Variants in EXOC6B observed in about 807,000 individuals in gnomAD.
EXOC6B encodes the protein exocyst complex component 6B.
EXOC6B carries 54 observed loss-of-function variants against 113.5 expected under a neutral mutation model. The observed-to-expected ratio is 0.48, with a 90% confidence interval of 0.38 to 0.60. The LOEUF is 0.60. EXOC6B is among the 20% of genes least tolerant of loss of function. EXOC6B has a pLI of 0.00. For synonymous variants in EXOC6B, 357 were observed against 339.0 expected, an observed-to-expected ratio of 1.05 and a Z score of -0.58; for missense variants, 797 against 977.5, an observed-to-expected ratio of 0.82 and a Z score of 2.46.
intron 20 of EXOC6B, among the ~76,000 whole-genome samples, chr2:72,207,245 A>G (rs1242052320): frequency 6.6e-6 from 1 of 152,228 alleles, no homozygotes. Context: ...ACATTACCCA[A>G]TGTCTTGATG....
chr2:72,588,602 G>A (rs1051554262), intron 6 of EXOC6B, among the ~76,000 whole-genome samples: 1 of 151,894 alleles, frequency 6.6e-6, no homozygotes, highest in African/African-American at 2.4e-5. Context: ...GAGATTGGCT[G>A]TACAACATTG....
intron 6 of EXOC6B, among the ~76,000 whole-genome samples, chr2:72,582,380 G>C (rs1229540604): frequency 6.6e-6 from 1 of 151,912 alleles, no homozygotes; most frequent in Non-Finnish European, 1.5e-5. Flanking sequence ...AAAAAAGGCT[G>C]GGCACCTGTG....
At chr2:72,609,270 T>C (rs1318727274) in intron 6 of EXOC6B, among the ~76,000 whole-genome samples, 6 of 152,010 alleles carry the variant, frequency 3.9e-5, no homozygotes, top group Admixed American at 6.6e-5. Context: ...ATAAGTAACC[T>C]AGATATTCAA....
Position 72,495,531 on chromosome 2 carries a change from A to C in EXOC6B, c.1452T>G (p.Phe484Leu), listed in dbSNP as rs764814187. Residue 484 changes from phenylalanine to leucine, a missense_variant, in exon 15 of 22, where the codon TTT (phenylalanine) becomes TTG (leucine). Coordinates refer to ENST00000272427, the MANE Select transcript of EXOC6B (RefSeq NM_015189.3). The part of the protein sequence containing the change: ...FQDIELEKQP[F>L]PKKFPFSEFV... ...ATTCAGAGAAAGGAAACTTTTTTGG[A>C]AATGGTTGCTGTAAATGCAAGAAGT... 2 of 1,587,296 alleles carry C rather than the reference A, an allele frequency of 1.3e-6. No homozygotes were observed. Among genetic ancestry groups the C allele is most frequent in the Non-Finnish European group, 1.7e-6 (2 of 1,159,120 alleles).
intron 20 of EXOC6B, among the ~76,000 whole-genome samples, chr2:72,305,368 A>ATATGTATATGTATATGTG (rs1349586257): frequency 8.1e-5 from 12 of 148,952 alleles, no homozygotes; most frequent in East Asian, 3.9e-4. Flanking sequence ...ATGTATATGT[A>ATATGTATATGTATATGTG]TATGTGTATG....
rs369859256 is a variant in EXOC6B at position 72,672,736 on chromosome 2, T to C, written c.669+45367A>G. Among the ~76,000 whole-genome samples the C allele has an allele frequency of 1.6e-4, 24 of 152,226 alleles. 2 individuals are homozygous for C. Among genetic ancestry groups the C allele is most frequent in the African/African-American group, 4.6e-4 (19 of 41,534 alleles). On this transcript the variant is annotated intron_variant, in intron 6 of 21. Transcript: ENST00000272427. The stretch of plus-strand genomic sequence containing the variant: ...GACAAATATCACATGTTCTCACTCA[T>C]ATGTGAGAGCTTGAAAAGTGGGTCT...
At chr2:72,785,143 A>T (rs1344790238) in intron 1 of EXOC6B, among the ~76,000 whole-genome samples, 1 of 152,190 alleles carries the variant, frequency 6.6e-6, no homozygotes, top group Non-Finnish European at 1.5e-5. Flanking sequence ...CTCACATCCA[A>T]GTCACACTGA....
intron 8 of EXOC6B, among the ~76,000 whole-genome samples, chr2:72,530,447 C>T (rs1701945190): frequency 6.6e-6 from 1 of 152,048 alleles, no homozygotes; most frequent in African/African-American, 2.4e-5. Context: ...TAGTCTGATT[C>T]CATTGAGGTC....
intron 18 of EXOC6B, among the ~76,000 whole-genome samples, chr2:72,442,273 C>T (rs112930199): frequency 0.018 from 2,781 of 152,090 alleles, 40 homozygotes; most frequent in Non-Finnish European, 0.024. Flanking sequence ...GACCCATGTA[C>T]GACAAACTCA....
chr2:72,397,660 T>TAAAATAAAAATA (rs146573352), intron 18 of EXOC6B, among the ~76,000 whole-genome samples: 2 of 139,852 alleles, frequency 1.4e-5, no homozygotes, highest in African/African-American at 6.0e-5. Context: ...TAAAATAAAA[T>TAAAATAAAAATA]TATATATATA....
At chr2:72,210,816 T>C (rs944708239) in intron 20 of EXOC6B, among the ~76,000 whole-genome samples, 1 of 152,222 alleles carries the variant, frequency 6.6e-6, no homozygotes, top group African/African-American at 2.4e-5. Flanking sequence ...TCCTTGCCCT[T>C]GTTTCCTCAG....
chr2:72,220,910 T>G (rs1680827936), intron 20 of EXOC6B, among the ~76,000 whole-genome samples: 2 of 152,198 alleles, frequency 1.3e-5, no homozygotes, highest in African/African-American at 4.8e-5. Flanking sequence ...TCACATACTT[T>G]GTAAACACCA....
intron 6 of EXOC6B, among the ~76,000 whole-genome samples, chr2:72,669,133 A>G (rs1675607348): frequency 6.6e-6 from 1 of 152,044 alleles, no homozygotes; most frequent in Non-Finnish European, 1.5e-5. Flanking sequence ...TAGTTTAAAG[A>G]AACAAAAAAG....
At chr2:72,770,903 A>G (rs1283506919) in intron 1 of EXOC6B, among the ~76,000 whole-genome samples, 2 of 152,154 alleles carry the variant, frequency 1.3e-5, no homozygotes, top group African/African-American at 4.8e-5. Flanking sequence ...GAAAAAAAGG[A>G]AGCCATTAGA....
chr2:72,688,078 G>T (rs896020267), intron 6 of EXOC6B, among the ~76,000 whole-genome samples: 4 of 152,142 alleles, frequency 2.6e-5, no homozygotes, highest in African/African-American at 9.7e-5. Context: ...TGTCCACCCA[G>T]ATCACCCTAG....
intron 1 of EXOC6B, among the ~76,000 whole-genome samples, chr2:72,800,760 C>T (rs548083934): frequency 3.8e-4 from 58 of 152,158 alleles, no homozygotes; most frequent in Non-Finnish European, 5.9e-4. Context: ...TTAACTACTA[C>T]ACCACAATAA....
At chr2:72,685,457 C>G (rs1042067532) in intron 6 of EXOC6B, among the ~76,000 whole-genome samples, 1 of 151,864 alleles carries the variant, frequency 6.6e-6, no homozygotes, top group Non-Finnish European at 1.5e-5. Context: ...AAGGATGAGC[C>G]GAAAAGGACA....
chr2:72,181,155 G>A lies in EXOC6B; in HGVS notation c.2310-1694C>T, dbSNP rs1271578090. ...ACCCAGGAGGCGGAGCTTGCAGTGA[G>A]CCAAGATCACACCACTGCACTCCAG... On this transcript the variant is annotated intron_variant, in intron 21 of 21. Coordinates refer to ENST00000272427, the MANE Select transcript of EXOC6B (RefSeq NM_015189.3). Among the ~76,000 whole-genome samples, 3 of 143,508 alleles carry A rather than the reference G, an allele frequency of 2.1e-5. No individual in the cohort carries two copies. In the East Asian group the frequency reaches 5.8e-4, roughly 28 times the overall value. 94.1% of individuals were successfully genotyped at this position (143,508 alleles called of 152,430 possible).
rs150837677 is a variant in EXOC6B at position 72,509,018 on chromosome 2, G to A, written c.1167+4114C>T. Among the ~76,000 whole-genome samples, 750 of 152,200 alleles carry A rather than the reference G, an allele frequency of 4.9e-3. 11 individuals carry two copies. Among genetic ancestry groups the A allele is most frequent in the African/African-American group, 0.017 (696 of 41,552 alleles). On this transcript the variant is annotated intron_variant, in intron 11 of 21. Transcript: ENST00000272427. ...CCCAAAACTCACCTATTAATGCCCT[G>A]TCTCCCAGTATGGCTATATTTGGAG...
Sources: allele counts gnomAD v4.1 joint callset (sites outside exome capture counted in the v4.1 genomes callset), GRCh38; gene constraint gnomAD v4.1.1; transcripts MANE v1.5; gene names NCBI Gene and HGNC (gene_info 2026-07-23, HGNC 2026-07-21).